The following RBM10 variants were observed in gnomAD, a reference collection of about 807,000 sequenced individuals.
RBM10 encodes RNA-binding protein 10.
Under a neutral mutation model 84.9 loss-of-function variants are expected in RBM10, and 1 was observed. The observed-to-expected ratio is 0.01, with a 90% confidence interval of 0.00 to 0.06. The LOEUF (loss-of-function observed/expected upper bound fraction) is 0.06. Ranked by LOEUF, RBM10 falls within the 10% of genes least tolerant of loss-of-function variation. The pLI is 1.00. For missense variants in RBM10, 438 were observed against 839.0 expected (o/e 0.52, Z 5.90); for synonymous variants, 326 against 344.5 (o/e 0.95, Z 0.60).
At chrX:47,155,146 C>CAA (rs782034292) in intron 2 of RBM10, among the ~76,000 whole-genome samples, 195 of 26,426 alleles carry the variant, frequency 7.4e-3, no homozygotes, top group Non-Finnish European at 8.8e-3. Context: ...GACTCCCTCT[C>CAA]AAAAAAAAAA....
chrX:47,182,361 G>A (rs2147200902), intron 17 of RBM10, 35 bp downstream of exon 17: 1 of 1,185,549 alleles, frequency 8.4e-7, no homozygotes, highest in Admixed American at 2.4e-5. Flanking sequence ...CTGGCTGGCT[G>A]TGTGGTGTCT....
chrX:47,166,345 C>T (rs1202470876), intron 2 of RBM10, among the ~76,000 whole-genome samples: 1 of 111,587 alleles, frequency 9.0e-6, no homozygotes, highest in African/African-American at 3.3e-5. Flanking sequence ...GTGGAGGCTA[C>T]AGTAAGCTAT....
At chrX:47,170,935 G>GAGCC in intron 3 of RBM10, 93 bp from the exon 4 acceptor site, 5 of 953,426 alleles carry the variant, frequency 5.2e-6, no homozygotes, top group Non-Finnish European at 7.4e-6. Context: ...CTGGCTTTCA[G>GAGCC]AGCCTGCCTG....
intron 1 of RBM10, 144 bp from the exon 2 acceptor site, chrX:47,147,213 A>T: frequency 1.6e-6 from 1 of 618,180 alleles, no homozygotes; most frequent in Non-Finnish European, 2.6e-6. Context: ...CTACCTTCAT[A>T]CTGTGATGCA....
At chrX:47,159,913 G>A (rs1225960259) in intron 2 of RBM10, among the ~76,000 whole-genome samples, 1 of 111,916 alleles carries the variant, frequency 8.9e-6, no homozygotes, top group Non-Finnish European at 1.9e-5. Context: ...CGAGGCAGGC[G>A]GATCACCTGA....
intron 1 of RBM10, 136 bp downstream of exon 1, chrX:47,145,621 GTTTTTTTTTTTTTGGTTTTTTTTT>G (rs1932072177): frequency 5.5e-6 from 1 of 181,624 alleles, no homozygotes; most frequent in Non-Finnish European, 8.9e-6. Flanking sequence ...ACCCGGGAGG[GTTTTTTTTTTTTTGGTTTTTTTTT>G]TTTTTTTTTT....
Position 47,171,219 on chromosome X carries a change from C to T in RBM10, c.393C>T (p.Val131=). 1 of 1,209,858 alleles carries T rather than the reference C, an allele frequency of 8.3e-7. No individual in the cohort carries two copies. The highest frequency in any genetic ancestry group is 1.1e-6 in the Non-Finnish European group (1 of 895,001). ...EEEEEKASNI[V]MLRMLPQAAT... is the part of the protein sequence containing the mutation. The stretch of plus-strand genomic sequence containing the variant: ...AGGAGGAGAAGGCCAGTAACATCGT[C>T]ATGCTGAGGATGCTGCCACAGGCAG... The change falls in exon 4 of 24, where the codon GTC becomes GTT. Residue 131 remains valine (V), a synonymous_variant. Transcript: ENST00000377604.
At chrX:47,163,715 C>T (rs934643303) in intron 2 of RBM10, among the ~76,000 whole-genome samples, 15 of 109,969 alleles carry the variant, frequency 1.4e-4, no homozygotes, top group Non-Finnish European at 1.1e-4. Context: ...TTTTTTGAGA[C>T]GTAGTCTCAC....
chrX:47,181,271 C>T lies in RBM10; in HGVS notation c.1305C>T (p.Tyr435=), dbSNP rs1556779084. ...WATSEEPPVD[Y]SYYQQDEGYG... is the part of the protein sequence containing the mutation. The stretch of plus-strand genomic sequence containing the variant: ...CCTCCGAGGAGCCGCCGGTCGACTA[C>T]AGCTACTACCAACAGGATGAGGGCT... Residue 435 remains tyrosine (Y), a synonymous_variant, in exon 13 of 24, where the codon TAC becomes TAT. Transcript: ENST00000377604. 1 of 1,179,435 alleles carries T rather than the reference C, an allele frequency of 8.5e-7. No homozygotes were observed. Among genetic ancestry groups the T allele is most frequent in the East Asian group, 3.1e-5 (1 of 32,082 alleles).
intron 2 of RBM10, among the ~76,000 whole-genome samples, chrX:47,163,244 T>A (rs998862199): frequency 8.1e-5 from 9 of 111,143 alleles, no homozygotes; most frequent in African/African-American, 2.9e-4. Context: ...GACAACTACA[T>A]GTAATGTAAT....
chrX:47,160,974 C>A (rs1255355942), intron 2 of RBM10, among the ~76,000 whole-genome samples: 1 of 111,262 alleles, frequency 9.0e-6, no homozygotes, highest in Non-Finnish European at 1.9e-5. Context: ...TTTTTTGAAA[C>A]AAGGTCTTGC....
Position 47,180,255 on chromosome X carries a change from C to A in RBM10, c.1106C>A (p.Pro369Gln). The A allele has an allele frequency of 8.3e-7, 1 of 1,204,965 alleles. No homozygotes were observed. The highest frequency in any genetic ancestry group is 3.0e-5 in the East Asian group (1 of 33,688). The change falls in exon 11 of 24, where the codon CCA becomes CAA. Residue 369 changes from proline to glutamine, a missense_variant. This residue lies in a region of RBM10 where 33 missense variants were observed against 115.0 expected (regional missense o/e 0.29). Coordinates refer to ENST00000377604, the MANE Select transcript of RBM10 (RefSeq NM_005676.5). Reference sequence around the variant, plus strand: ...CAGATCCTGCAGGCCCTGCACCCACCACTCACTATCGACGGCAAGACCATC... The same window carrying A: ...CAGATCCTGCAGGCCCTGCACCCACAACTCACTATCGACGGCAAGACCATC... Reference protein sequence around the residue: ...LLQILQALHPPLTIDGKTINV... With the variant: ...LLQILQALHPQLTIDGKTINV...
chrX:47,161,561 G>GAGA (rs1556766777), intron 2 of RBM10, among the ~76,000 whole-genome samples: 2 of 95,883 alleles, frequency 2.1e-5, no homozygotes, highest in Non-Finnish European at 4.1e-5. Flanking sequence ...GAGAGAGAGA[G>GAGA]GGTCTGGCTT....
intron 2 of RBM10, among the ~76,000 whole-genome samples, chrX:47,155,791 C>CTT (rs1383389549): frequency 1.0e-5 from 1 of 97,070 alleles, no homozygotes; most frequent in Non-Finnish European, 2.1e-5. Flanking sequence ...CCACTAGATT[C>CTT]TTTTTTTTTC....
Position 47,181,649 on chromosome X carries a change from G to A in RBM10, c.1575+3G>A, listed in dbSNP as rs2147190197. On this transcript the variant is annotated splice_donor_region_variant and intron_variant, in intron 14 of 23. Coordinates refer to ENST00000377604, the MANE Select transcript of RBM10 (RefSeq NM_005676.5). ...AGGGCACTGCTGCCAACAGCCAGGTGAGTGAGCCCTGTGGGTATGTATCCC... is the reference window on the plus strand; with the variant it reads ...AGGGCACTGCTGCCAACAGCCAGGTAAGTGAGCCCTGTGGGTATGTATCCC... 1 of 1,206,934 alleles carries A rather than the reference G, an allele frequency of 8.3e-7. No homozygotes were observed. The highest frequency in any genetic ancestry group is 1.8e-5 in the South Asian group (1 of 56,511).
In RBM10 at chrX:47,186,500, C is replaced by T. The variant is rs1556782850; in HGVS notation, c.2694C>T (p.Gly898=). The change falls in exon 24 of 24, where the codon GGC becomes GGT. Residue 898 remains glycine, a synonymous_variant. Transcript: ENST00000377604. Reference sequence around the variant, plus strand: ...CCCAAACACGGGTGCGGGGCTCCGGCCTGGGTGCACGGGGCAGCTCCTACG... The same window carrying T: ...CCCAAACACGGGTGCGGGGCTCCGGTCTGGGTGCACGGGGCAGCTCCTACG... The part of the protein sequence containing the change: ...IEAQTRVRGS[G]LGARGSSYGV... 14 of 1,209,620 alleles carry T rather than the reference C, an allele frequency of 1.2e-5. No individual in the cohort carries two copies. The highest frequency in any genetic ancestry group is 1.6e-5 in the Non-Finnish European group (14 of 894,234).
chrX:47,179,020 C>A, intron 7 of RBM10, 83 bp from the exon 8 acceptor site: 1 of 1,172,208 alleles, frequency 8.5e-7, no homozygotes, highest in Non-Finnish European at 1.1e-6. Flanking sequence ...ACTGCGGGGT[C>A]CCTGGGAGAT....
chrX:47,154,630 T>C (rs1358742409), intron 2 of RBM10, among the ~76,000 whole-genome samples: 1 of 109,181 alleles, frequency 9.2e-6, no homozygotes, highest in African/African-American at 3.3e-5. Flanking sequence ...TTTTGTATTT[T>C]AGTAGAGACG....
chrX:47,161,536 T>TTA, intron 2 of RBM10, among the ~76,000 whole-genome samples: 1 of 62,171 alleles, frequency 1.6e-5, no homozygotes, highest in African/African-American at 7.3e-5. Flanking sequence ...TTTTTTTTAG[T>TTA]GAGAGAGAGA....
Sources: gnomAD v4.1 joint callset for allele counts (sites outside exome capture counted in the v4.1 genomes callset) on GRCh38, gnomAD v4.1.1 for gene constraint, gnomAD v4.1.1 regional missense constraint, MANE v1.5 for transcripts, NCBI Gene and HGNC (gene_info 2026-07-23, HGNC 2026-07-21) for gene names.